MPC2: variants seen among roughly 807,000 people sequenced by gnomAD.
The protein encoded by MPC2 is mitochondrial pyruvate carrier 2.
In MPC2, 19 loss-of-function variants were observed where a neutral mutation model predicts 19.2. The ratio of observed to expected loss-of-function variants is 0.99; its 90% CI spans 0.69 to 1.45. The LOEUF is 1.45. Ranked by LOEUF, MPC2 falls within the 40% of genes most tolerant of loss-of-function variation. The pLI is 0.00. For missense variants in MPC2, 122 were observed against 153.0 expected (o/e 0.80, Z 1.07); for synonymous variants, 61 against 54.3 (o/e 1.12, Z -0.54).
chr1:167,936,147 C>T, intron 1 of MPC2: 1 of 349,140 alleles, frequency 2.9e-6, no homozygotes. Context: ...GTCTGCGCTG[C>T]GCCCTGCTGG....
At chr1:167,922,412 T>A (rs1262662228) in intron 3 of MPC2, among the ~76,000 whole-genome samples, 1 of 152,242 alleles carries the variant, frequency 6.6e-6, no homozygotes, top group East Asian at 1.9e-4. Flanking sequence ...GGCCCCTAAA[T>A]TTATTGTGAA....
At chr1:167,928,206 CGCG>C (rs1670808326) in intron 2 of MPC2, among the ~76,000 whole-genome samples, 1 of 151,532 alleles carries the variant, frequency 6.6e-6, no homozygotes, top group Non-Finnish European at 1.5e-5. Context: ...AAATTAGCTG[CGCG>C]TGGTGGCAGG....
At chr1:167,919,830 T>C in intron 5 of MPC2, 149 bp downstream of exon 5, 1 of 504,044 alleles carries the variant, frequency 2.0e-6, no homozygotes, top group South Asian at 3.5e-5. Context: ...AGATACTTCT[T>C]GTCTTAGCAT....
chr1:167,928,066 C>G (rs1480562213), intron 2 of MPC2, among the ~76,000 whole-genome samples: 1 of 151,936 alleles, frequency 6.6e-6, no homozygotes. Context: ...AAAAAAAGGT[C>G]GGCCGGGCGC....
intron 4 of MPC2, among the ~76,000 whole-genome samples, chr1:167,920,335 T>C: frequency 6.6e-6 from 1 of 152,202 alleles, no homozygotes; most frequent in East Asian, 1.9e-4. Flanking sequence ...AATATGTTCA[T>C]GGCAAAAACC....
intron 2 of MPC2, among the ~76,000 whole-genome samples, chr1:167,933,218 A>C (rs1295110876): frequency 2.0e-5 from 3 of 148,810 alleles, no homozygotes; most frequent in African/African-American, 7.5e-5. Flanking sequence ...GCCAGGCTGG[A>C]GTGCAATGGC....
At chr1:167,924,289 A>G in intron 3 of MPC2, 1 of 376,150 alleles carries the variant, frequency 2.7e-6, no homozygotes, top group Non-Finnish European at 4.9e-6. Context: ...TGTTCCCAGA[A>G]GGCCTCTTAT....
At chr1:167,926,534 A>G (rs1670758784) in intron 2 of MPC2, among the ~76,000 whole-genome samples, 2 of 152,372 alleles carry the variant, frequency 1.3e-5, no homozygotes, top group African/African-American at 4.8e-5. Flanking sequence ...TTAACTAAAT[A>G]TTAGCCAAGT....
rs1387347595 is a variant in MPC2 at position 167,925,440 on chromosome 1, C to CATATATAT, written c.110-904_110-903insATATATAT. ...TATATAATATACAGATATACATATACACATATATATATATATATATATATA... is the reference window on the plus strand; with the variant it reads ...TATATAATATACAGATATACATATACATATATATACATATATATATATATATATATATA... On this transcript the variant is annotated intron_variant, in intron 2 of 5. Coordinates refer to ENST00000271373, the MANE Select transcript of MPC2 (RefSeq NM_001143674.4). Among the ~76,000 whole-genome samples the CATATATAT allele has an allele frequency of 1.6e-4, 8 of 49,650 alleles. No individual in the cohort carries two copies. In the East Asian group the frequency reaches 1.8e-3, roughly 11 times the overall value. The allele number at this position is 49,650 out of a possible 152,430, so 32.6% of individuals were successfully genotyped here.
At position 167,917,052 on chromosome 1, in the gene MPC2, T is replaced by C. The variant is rs1670469273; in HGVS notation, c.*1271A>G. 6.6e-6 allele frequency: 1 copy of C among 152,248 alleles called. No homozygotes were observed. The highest frequency in any genetic ancestry group is 6.5e-5 in the Admixed American group (1 of 15,288). The allele number at this position is 152,248 out of a possible 1,614,324, so 9.4% of individuals were successfully genotyped here. A position where few individuals can be genotyped will look rare whatever the true frequency, so the allele number is the denominator to read the frequency against. The stretch of plus-strand genomic sequence containing the variant: ...TCAAAAAGTTGTTTTGTCTCATTTC[T>C]TCAAATTTTGAAATAACTTGCTTTG... On this transcript the variant is annotated 3_prime_UTR_variant, in exon 6 of 6. Coordinates refer to ENST00000271373, the MANE Select transcript of MPC2 (RefSeq NM_001143674.4).
chr1:167,928,919 G>T (rs1670827753), intron 2 of MPC2, among the ~76,000 whole-genome samples: 1 of 152,172 alleles, frequency 6.6e-6, no homozygotes, highest in Non-Finnish European at 1.5e-5. Context: ...CAAGATGAAA[G>T]AAATTGTCCA....
chr1:167,920,446 G>C, intron 4 of MPC2, 101 bp downstream of exon 4: 1 of 1,143,708 alleles, frequency 8.7e-7, no homozygotes, highest in Non-Finnish European at 1.3e-6. Flanking sequence ...CTTTGTGTGT[G>C]GGTGTATTTC....
chr1:167,920,192 G>A (rs1557851713), intron 4 of MPC2, 102 bp from the exon 5 acceptor site: 2 of 733,426 alleles, frequency 2.7e-6, no homozygotes, highest in Admixed American at 2.7e-5. Flanking sequence ...AATGTAGGAT[G>A]AGGGACAAAG....
At position 167,928,689 on chromosome 1, in the gene MPC2, T is replaced by C. The variant is rs79194313; in HGVS notation, c.110-4152A>G. Among the ~76,000 whole-genome samples, 753 of 152,342 alleles carry C rather than the reference T, an allele frequency of 4.9e-3. 5 individuals carry two copies. The highest frequency in any genetic ancestry group is 0.017 in the African/African-American group (707 of 41,580). On this transcript the variant is annotated intron_variant, in intron 2 of 5. Coordinates refer to ENST00000271373, the MANE Select transcript of MPC2 (RefSeq NM_001143674.4). ...CTGGAAAACACAGGCTTATGTTCTGTACAATGACACAGCTATTCTCATAGG... is the reference window on the plus strand; with the variant it reads ...CTGGAAAACACAGGCTTATGTTCTGCACAATGACACAGCTATTCTCATAGG...
chr1:167,936,944 G>A lies in MPC2; in HGVS notation c.-63C>T. On this transcript the variant is annotated 5_prime_UTR_variant, in exon 1 of 6. Transcript: ENST00000271373. ...GGGGTGGCTCCTACCCACACCTGTT[G>A]TGGGACGTGAGGAAAAGGTCCCTCG... The A allele has an allele frequency of 1.2e-6, 2 of 1,609,972 alleles. No homozygotes were observed. The highest frequency in any genetic ancestry group is 1.7e-6 in the Non-Finnish European group (2 of 1,178,772).
chr1:167,923,208 G>C (rs1320746249), intron 3 of MPC2, among the ~76,000 whole-genome samples: 3 of 152,164 alleles, frequency 2.0e-5, no homozygotes. Context: ...ATACTAAGAA[G>C]AATTAAAAGT....
chr1:167,922,947 A>G (rs1557852851), intron 3 of MPC2, among the ~76,000 whole-genome samples: 1 of 152,226 alleles, frequency 6.6e-6, no homozygotes, highest in Admixed American at 6.5e-5. Flanking sequence ...TACAATAAGT[A>G]TATGTTCAGC....
rs374633504 is a variant in MPC2, at chr1:167,918,256, C to T, written c.*67G>A. ...ACAGTTAGCTTTGCTTTATCAATAA[C>T]CAAATAATAAACTAGGTCCCAATGG... On this transcript the variant is annotated 3_prime_UTR_variant, in exon 6 of 6. Transcript: ENST00000271373. 17 of 1,301,372 alleles carry T rather than the reference C, an allele frequency of 1.3e-5. No individual in the cohort carries two copies. The highest frequency in any genetic ancestry group is 1.1e-4 in the Admixed American group (5 of 46,044). 80.6% of individuals were successfully genotyped at this position (1,301,372 alleles called of 1,614,324 possible). A position where few individuals can be genotyped will look rare whatever the true frequency, so the allele number is the denominator to read the frequency against.
chr1:167,919,058 C>T lies in MPC2; in HGVS notation c.348-699G>A, dbSNP rs550054673. Among the ~76,000 whole-genome samples the T allele has an allele frequency of 7.2e-5, 11 of 152,174 alleles. 1 individual carries two copies. In the East Asian group the frequency reaches 9.6e-4, roughly 13 times the overall value. On this transcript the variant is annotated intron_variant, in intron 5 of 5. Coordinates refer to ENST00000271373, the MANE Select transcript of MPC2 (RefSeq NM_001143674.4). The stretch of plus-strand genomic sequence containing the variant: ...CACCTAGAATTTTAAAATTTATACT[C>T]GCAAAGCACCTTTCCTAAGAATAAG...
Sources: gnomAD v4.1 joint callset for allele counts (sites outside exome capture counted in the v4.1 genomes callset) on GRCh38, gnomAD v4.1.1 for gene constraint, MANE v1.5 for transcripts, NCBI Gene and HGNC (gene_info 2026-07-23, HGNC 2026-07-21) for gene names.